The following GRM7 variants were observed in gnomAD, a reference collection of about 807,000 sequenced individuals.
The protein encoded by GRM7 is glutamate metabotropic receptor 7.
Under a neutral mutation model 84.5 loss-of-function variants are expected in GRM7, and 35 were observed. The ratio of observed to expected loss-of-function variants is 0.41; its 90% CI spans 0.32 to 0.55. GRM7 has a LOEUF of 0.55. Ranked by LOEUF, GRM7 falls within the 20% of genes least tolerant of loss-of-function variation. GRM7 has a pLI of 0.19. For missense variants in GRM7, 1,003 were observed against 1,194.6 expected, an observed-to-expected ratio of 0.84 and a Z score of 2.36; for synonymous variants, 487 against 455.1, an observed-to-expected ratio of 1.07 and a Z score of -0.89.
chr3:6,973,250 TG>T (rs1462985925), intron 1 of GRM7, among the ~76,000 whole-genome samples: 30 of 152,172 alleles, frequency 2.0e-4, no homozygotes. Flanking sequence ...TATGCCCTAA[TG>T]GCACTCAATC....
intron 1 of GRM7, among the ~76,000 whole-genome samples, chr3:6,969,200 C>T (rs1024766053): frequency 2.0e-5 from 3 of 151,986 alleles, no homozygotes; most frequent in African/African-American, 7.3e-5. Flanking sequence ...AAGTTGGCCC[C>T]ATCAGGGCAG....
At chr3:7,027,702 T>C (rs74741271) in intron 1 of GRM7, among the ~76,000 whole-genome samples, 4 of 152,238 alleles carry the variant, frequency 2.6e-5, no homozygotes, top group Non-Finnish European at 5.9e-5. Context: ...TATTTTTCTT[T>C]GAATTTAGAG....
intron 1 of GRM7, among the ~76,000 whole-genome samples, chr3:6,949,335 G>A (rs7621599): frequency 6.6e-6 from 1 of 152,112 alleles, no homozygotes; most frequent in East Asian, 1.9e-4. Context: ...GGCTGAATAT[G>A]AAATTCTGGG....
intron 2 of GRM7, among the ~76,000 whole-genome samples, chr3:7,233,666 G>A (rs1330460193): frequency 1.3e-5 from 2 of 152,122 alleles, no homozygotes; most frequent in African/African-American, 4.8e-5. Flanking sequence ...AAGACCCCTT[G>A]TTTGAGTGAA....
At chr3:6,906,589 C>T (rs903330032) in intron 1 of GRM7, among the ~76,000 whole-genome samples, 2 of 152,034 alleles carry the variant, frequency 1.3e-5, no homozygotes, top group African/African-American at 4.8e-5. Context: ...ATGAATATTA[C>T]ATCTTAGATC....
At chr3:7,422,587 G>C (rs1026006242) in intron 5 of GRM7, among the ~76,000 whole-genome samples, 3 of 152,116 alleles carry the variant, frequency 2.0e-5, no homozygotes, top group Non-Finnish European at 4.4e-5. Context: ...GCTGGGCGAG[G>C]AGACTAATTT....
intron 7 of GRM7, among the ~76,000 whole-genome samples, chr3:7,551,443 G>A (rs1693469850): frequency 6.6e-6 from 1 of 152,122 alleles, no homozygotes; most frequent in Admixed American, 6.6e-5. Flanking sequence ...GTAGTAGACT[G>A]TCCTTTGTCT....
chr3:6,934,016 G>A (rs1243541092), intron 1 of GRM7, among the ~76,000 whole-genome samples: 1 of 152,174 alleles, frequency 6.6e-6, no homozygotes, highest in African/African-American at 2.4e-5. Flanking sequence ...AGCTTTCCGA[G>A]CTAAGACAGT....
At chr3:7,519,581 C>A (rs1700516195) in intron 7 of GRM7, among the ~76,000 whole-genome samples, 1 of 152,202 alleles carries the variant, frequency 6.6e-6, no homozygotes, top group East Asian at 1.9e-4. Flanking sequence ...TCCAAGTTAA[C>A]AACGAAGCAA....
chr3:7,573,109 C>T (rs1694787627), intron 7 of GRM7, among the ~76,000 whole-genome samples: 1 of 151,438 alleles, frequency 6.6e-6, no homozygotes, highest in Non-Finnish European at 1.5e-5. Context: ...CTCGCTAGCT[C>T]CTCTACCTCA....
At chr3:7,170,717 A>G (rs527285602) in intron 2 of GRM7, among the ~76,000 whole-genome samples, 90 of 152,166 alleles carry the variant, frequency 5.9e-4, no homozygotes, top group Non-Finnish European at 1.1e-3. Context: ...TTTTACACAA[A>G]TTTGGATGCT....
chr3:7,604,231 A>C (rs1696454873), intron 8 of GRM7, among the ~76,000 whole-genome samples: 1 of 152,160 alleles, frequency 6.6e-6, no homozygotes. Flanking sequence ...ATAATCTCAA[A>C]AAAGGTTATT....
chr3:7,411,784 T>C (rs1001988422), intron 4 of GRM7, among the ~76,000 whole-genome samples: 3 of 152,236 alleles, frequency 2.0e-5, no homozygotes, highest in Admixed American at 6.5e-5. Context: ...TTGTGGTACA[T>C]GTGTGTAAAC....
chr3:7,465,800 A>T (rs1698439589), intron 7 of GRM7, among the ~76,000 whole-genome samples: 1 of 152,136 alleles, frequency 6.6e-6, no homozygotes, highest in African/African-American at 2.4e-5. Context: ...GAGCCAAGAA[A>T]TCAGAGTTTT....
chr3:7,174,598 G>T (rs1024030703), intron 2 of GRM7, among the ~76,000 whole-genome samples: 1 of 152,124 alleles, frequency 6.6e-6, no homozygotes, highest in Admixed American at 6.6e-5. Context: ...GGGATGCCTT[G>T]GTCAGTAGTC....
At chr3:7,560,601 T>C (rs1462546912) in intron 7 of GRM7, among the ~76,000 whole-genome samples, 1 of 152,070 alleles carries the variant, frequency 6.6e-6, no homozygotes, top group Non-Finnish European at 1.5e-5. Context: ...CAAATCTGCA[T>C]TGTAACAAGG....
chr3:7,102,296 T>A (rs1159474942), intron 1 of GRM7, among the ~76,000 whole-genome samples: 1 of 128,650 alleles, frequency 7.8e-6, no homozygotes, highest in East Asian at 2.2e-4. Context: ...TTCGTATGTA[T>A]TTTTTCCCCT....
At chr3:7,004,625 G>T (rs879845361) in intron 1 of GRM7, among the ~76,000 whole-genome samples, 1 of 152,146 alleles carries the variant, frequency 6.6e-6, no homozygotes, top group Admixed American at 6.5e-5. Context: ...CATACGAGTA[G>T]GTAATAAAAT....
intron 4 of GRM7, among the ~76,000 whole-genome samples, chr3:7,402,805 C>CT (rs35688376): frequency 0.012 from 1,752 of 143,966 alleles, 40 homozygotes; most frequent in African/African-American, 0.04. Context: ...TGTTGTTTTC[C>CT]TTTTTTTTTT....
Sources: gnomAD v4.1 joint callset for allele counts (sites outside exome capture counted in the v4.1 genomes callset) on GRCh38, gnomAD v4.1.1 for gene constraint, MANE v1.5 for transcripts, NCBI Gene and HGNC (gene_info 2026-07-23, HGNC 2026-07-21) for gene names.